The following EDARADD variants were observed in gnomAD, a reference collection of about 807,000 sequenced individuals.
EDARADD encodes ectodysplasin-A receptor-associated adapter protein.
EDARADD carries 20 observed loss-of-function variants against 25.6 expected under a neutral mutation model. The observed-to-expected ratio is 0.78, with a 90% confidence interval of 0.55 to 1.14. The LOEUF (loss-of-function observed/expected upper bound fraction) is 1.14. Among genes scored for constraint, EDARADD ranks in the 50% most tolerant of loss-of-function variants. The pLI is 0.00. For missense variants in EDARADD, 225 were observed against 270.1 expected (o/e 0.83, Z 1.17); for synonymous variants, 86 against 94.4 (o/e 0.91, Z 0.52).
chr1:236,457,002 T>C (rs1277256461), intron 4 of EDARADD, among the ~76,000 whole-genome samples: 1 of 152,130 alleles, frequency 6.6e-6, no homozygotes, highest in Admixed American at 6.5e-5. Flanking sequence ...AAATGTCAAC[T>C]GTTGTTCTCA....
chr1:236,476,500 A>C (rs1659510936), intron 5 of EDARADD, among the ~76,000 whole-genome samples: 2 of 152,016 alleles, frequency 1.3e-5, no homozygotes, highest in East Asian at 3.9e-4. Flanking sequence ...AGCCTGGGGA[A>C]CATAGTGAGA....
intron 1 of EDARADD, among the ~76,000 whole-genome samples, chr1:236,397,580 A>G (rs1388074647): frequency 1.3e-5 from 2 of 152,142 alleles, no homozygotes; most frequent in African/African-American, 4.8e-5. Flanking sequence ...GGATATGATG[A>G]TAAGAGGGCG....
chr1:236,472,264 A>G (rs1157851303), intron 5 of EDARADD, among the ~76,000 whole-genome samples: 2 of 152,092 alleles, frequency 1.3e-5, no homozygotes, highest in East Asian at 3.9e-4. Flanking sequence ...TCCAAAATCT[A>G]ATTTTGGCAG....
chr1:236,394,263 A>T, upstream of EDARADD: 1 of 627,138 alleles, frequency 1.6e-6, no homozygotes, highest in Non-Finnish European at 2.8e-6. Context: ...CCTTAAAAAA[A>T]ATTTCCCTTC....
chr1:236,458,674 A>G (rs1245409520), intron 4 of EDARADD, among the ~76,000 whole-genome samples: 1 of 96,442 alleles, frequency 1.0e-5, no homozygotes, highest in Admixed American at 1.5e-4. Flanking sequence ...ACGGAGTTTC[A>G]CTCTTGTTGC....
chr1:236,464,867 GC>G (rs1374293681), intron 4 of EDARADD, among the ~76,000 whole-genome samples: 1 of 152,074 alleles, frequency 6.6e-6, no homozygotes, highest in Non-Finnish European at 1.5e-5. Context: ...TGACCTTACA[GC>G]TGTCTCTTCA....
chr1:236,405,741 CTTTCTT>C (rs1667699109), intron 1 of EDARADD, among the ~76,000 whole-genome samples: 1 of 45,160 alleles, frequency 2.2e-5, no homozygotes, highest in Non-Finnish European at 5.1e-5. Context: ...TTCTTTCTTT[CTTTCTT>C]TCTTTCTTTC....
intron 3 of EDARADD, among the ~76,000 whole-genome samples, chr1:236,358,489 C>T (rs1262540384): frequency 6.6e-6 from 1 of 152,156 alleles, no homozygotes; most frequent in African/African-American, 2.4e-5. Context: ...GTTAAGGGGT[C>T]AATTTGATGT....
intron 3 of EDARADD, among the ~76,000 whole-genome samples, chr1:236,353,641 G>C (rs976482672): frequency 7.3e-6 from 1 of 137,032 alleles, no homozygotes; most frequent in Non-Finnish European, 1.5e-5. Flanking sequence ...TCGCACAACT[G>C]CACTTCAGCC....
chr1:236,484,568 G>A lies in EDARADD; in HGVS notation c.*1919G>A, dbSNP rs1659778215. ...CAAGACCCCCGAGCAACATTTGTAGGGGCCGCTGCTAGTTAGCTACCCTTG... is the reference window on the plus strand; with the variant it reads ...CAAGACCCCCGAGCAACATTTGTAGAGGCCGCTGCTAGTTAGCTACCCTTG... On this transcript the variant is annotated 3_prime_UTR_variant, in exon 6 of 6. Transcript: ENST00000334232. This position sits in a 1 kb window ranked among gnomAD's most constrained non-coding sequence, Gnocchi z 4.1. 1.1e-6 allele frequency: 1 copy of A among 930,094 alleles called. No individual in the cohort carries two copies. Among genetic ancestry groups the A allele is most frequent in the Non-Finnish European group, 1.7e-6 (1 of 599,946 alleles). 57.6% of individuals were successfully genotyped at this position (930,094 alleles called of 1,614,324 possible). A position where few individuals can be genotyped will look rare whatever the true frequency, so the allele number is the denominator to read the frequency against.
chr1:236,364,826 A>G (rs542063066), intron 3 of EDARADD, among the ~76,000 whole-genome samples: 2 of 152,316 alleles, frequency 1.3e-5, no homozygotes, highest in African/African-American at 4.8e-5. Flanking sequence ...ATATCATGAC[A>G]TCTATGAATA....
chr1:236,351,176 A>G (rs638128), intron 3 of EDARADD, among the ~76,000 whole-genome samples: 76,425 of 151,842 alleles, frequency 0.5, 19,981 homozygotes, highest in East Asian at 0.84. Context: ...TGTAATTGTT[A>G]CTAGTCCCAG....
chr1:236,433,016 T>C (rs963005098), intron 4 of EDARADD, among the ~76,000 whole-genome samples: 70 of 152,142 alleles, frequency 4.6e-4, no homozygotes, highest in African/African-American at 1.6e-3. Flanking sequence ...ATCCCACTAA[T>C]GTAAGATGTT....
intron 3 of EDARADD, among the ~76,000 whole-genome samples, chr1:236,361,333 T>C (rs1438312841): frequency 6.6e-6 from 1 of 152,006 alleles, no homozygotes; most frequent in Non-Finnish European, 1.5e-5. Flanking sequence ...TTAATTTTAT[T>C]GAGATGGAAT....
intron 4 of EDARADD, among the ~76,000 whole-genome samples, chr1:236,455,079 G>A (rs957399817): frequency 2.0e-5 from 3 of 152,172 alleles, no homozygotes; most frequent in East Asian, 1.9e-4. Flanking sequence ...GCGTGGTGGC[G>A]GGCGCCTGTA....
intron 3 of EDARADD, among the ~76,000 whole-genome samples, chr1:236,373,796 A>G (rs1489660845): frequency 6.6e-6 from 1 of 152,192 alleles, no homozygotes; most frequent in African/African-American, 2.4e-5. Context: ...ATACATTCAA[A>G]CTATAAATTT....
chr1:236,364,044 T>TACTC (rs10668772), intron 3 of EDARADD, among the ~76,000 whole-genome samples: 51,981 of 151,486 alleles, frequency 0.34, 9,131 homozygotes, highest in African/African-American at 0.42. Flanking sequence ...TAATTCCAGT[T>TACTC]AGGAGGCTGA....
chr1:236,445,231 A>ATTTTTTTTTTTT (rs1415805260), intron 4 of EDARADD, among the ~76,000 whole-genome samples: 1 of 47,298 alleles, frequency 2.1e-5, no homozygotes, highest in Non-Finnish European at 6.8e-5. Context: ...GACATAATAA[A>ATTTTTTTTTTTT]TTCTTTTTTT....
At chr1:236,433,555 C>A (rs1387150135) in intron 4 of EDARADD, among the ~76,000 whole-genome samples, 1 of 151,826 alleles carries the variant, frequency 6.6e-6, no homozygotes, top group African/African-American at 2.4e-5. Context: ...AGGTGATCCA[C>A]CCACCTCAGT....
Sources: gnomAD v4.1 joint callset for allele counts (sites outside exome capture counted in the v4.1 genomes callset) on GRCh38, gnomAD v4.1.1 for gene constraint, Gnocchi (gnomAD v3.1) non-coding constraint, MANE v1.5 for transcripts, NCBI Gene and HGNC (gene_info 2026-07-23, HGNC 2026-07-21) for gene names.